BRINP2: variants seen among roughly 807,000 people sequenced by gnomAD.
BRINP2 encodes the protein BMP/retinoic acid inducible neural specific 2, also known as BMP/retinoic acid-inducible neural-specific protein 2.
A neutral mutation model predicts 69.2 loss-of-function variants in BRINP2; 21 were observed. The ratio of observed to expected loss-of-function variants is 0.30; its 90% CI spans 0.22 to 0.44. BRINP2 has a LOEUF of 0.44. Ranked by LOEUF, BRINP2 falls within the 20% of genes least tolerant of loss-of-function variation. The pLI, the probability that BRINP2 is intolerant of heterozygous loss-of-function variation, is 1.00. For synonymous variants in BRINP2, 380 were observed against 394.1 expected (o/e 0.96, Z 0.42); for missense variants, 877 against 986.0 (o/e 0.89, Z 1.48).
chr1:177,280,390 CA>C, intron 7 of BRINP2, 21 bp from the exon 8 acceptor site: 1 of 1,563,608 alleles, frequency 6.4e-7, no homozygotes, highest in Non-Finnish European at 8.7e-7. Flanking sequence ...ACTCTTACTT[CA>C]TTTTATCTCT....
At chr1:177,235,800 G>C (rs1348635874) in intron 2 of BRINP2, among the ~76,000 whole-genome samples, 4 of 152,186 alleles carry the variant, frequency 2.6e-5, no homozygotes, top group African/African-American at 9.7e-5. Flanking sequence ...GTAGAGAAAG[G>C]CTACATTATC....
rs145494769 is a variant in BRINP2, at chr1:177,190,181, C to T, written c.-77+18449C>T. Among the ~76,000 whole-genome samples, 773 of 152,292 alleles carry T rather than the reference C, an allele frequency of 5.1e-3. 7 individuals carry two copies. The highest frequency in any genetic ancestry group is 0.018 in the African/African-American group (737 of 41,556). ...AGTAAATATGAGTCCCTAACTCATACGGGGCAACCCTCCATAAGTCTCTCC... is the reference window on the plus strand; with the variant it reads ...AGTAAATATGAGTCCCTAACTCATATGGGGCAACCCTCCATAAGTCTCTCC... On this transcript the variant is annotated intron_variant, in intron 1 of 7. Coordinates refer to ENST00000361539, the MANE Select transcript of BRINP2 (RefSeq NM_021165.4).
chr1:177,180,797 T>C (rs756366070), intron 1 of BRINP2, among the ~76,000 whole-genome samples: 1 of 152,180 alleles, frequency 6.6e-6, no homozygotes, highest in Non-Finnish European at 1.5e-5. Flanking sequence ...AAAGCAAAAC[T>C]TGTGATTCAT....
At chr1:177,259,736 C>G (rs950234387) in intron 4 of BRINP2, among the ~76,000 whole-genome samples, 1 of 152,148 alleles carries the variant, frequency 6.6e-6, no homozygotes, top group African/African-American at 2.4e-5. Flanking sequence ...AACAATCCAG[C>G]CTCGATGACA....
chr1:177,235,534 TC>T (rs527241637), intron 2 of BRINP2, among the ~76,000 whole-genome samples: 258 of 152,174 alleles, frequency 1.7e-3, no homozygotes, highest in African/African-American at 6.1e-3. Flanking sequence ...TGTGGGTGCC[TC>T]CCGGGAGATG....
At chr1:177,208,629 T>C (rs1321486813) in intron 1 of BRINP2, among the ~76,000 whole-genome samples, 2 of 152,112 alleles carry the variant, frequency 1.3e-5, no homozygotes, top group African/African-American at 4.8e-5. Flanking sequence ...TTTTTTTTTC[T>C]TCATCTTCTT....
At chr1:177,269,972 T>C (rs1361924101) in intron 4 of BRINP2, among the ~76,000 whole-genome samples, 3 of 151,966 alleles carry the variant, frequency 2.0e-5, no homozygotes, top group East Asian at 1.9e-4. Context: ...CTGTATAGGC[T>C]CTCTTTATAA....
intron 1 of BRINP2, among the ~76,000 whole-genome samples, chr1:177,200,498 A>C (rs942521845): frequency 6.6e-6 from 1 of 151,762 alleles, no homozygotes; most frequent in South Asian, 2.1e-4. Flanking sequence ...TCACTGCTTC[A>C]TCACCACTCC....
chr1:177,184,164 A>G (rs1255892224), intron 1 of BRINP2, among the ~76,000 whole-genome samples: 8 of 152,184 alleles, frequency 5.3e-5, no homozygotes, highest in Admixed American at 2.0e-4. Context: ...AGAGAAAAAA[A>G]GCTGAACAGC....
At chr1:177,270,672 C>A (rs1651290508) in intron 4 of BRINP2, among the ~76,000 whole-genome samples, 1 of 152,022 alleles carries the variant, frequency 6.6e-6, no homozygotes, top group African/African-American at 2.4e-5. Flanking sequence ...GGTGAGTGAC[C>A]AAGTCAGGAG....
intron 4 of BRINP2, among the ~76,000 whole-genome samples, chr1:177,262,496 G>A (rs1571939859): frequency 1.4e-5 from 2 of 144,134 alleles, no homozygotes; most frequent in East Asian, 4.6e-4. Context: ...TGGTGACAGA[G>A]CAAGCCTCTG....
chr1:177,268,175 C>T (rs967955153), intron 4 of BRINP2, among the ~76,000 whole-genome samples: 4 of 152,194 alleles, frequency 2.6e-5, no homozygotes, highest in African/African-American at 9.6e-5. Flanking sequence ...ATGGGATTGA[C>T]ATGCCCATTT....
intron 2 of BRINP2, among the ~76,000 whole-genome samples, chr1:177,232,025 G>A (rs1649873756): frequency 6.6e-6 from 1 of 152,176 alleles, no homozygotes; most frequent in Non-Finnish European, 1.5e-5. Flanking sequence ...TGCTTAAGCA[G>A]AGAATCCCTC....
chr1:177,212,977 A>C (rs1649272722), intron 1 of BRINP2, among the ~76,000 whole-genome samples: 1 of 152,196 alleles, frequency 6.6e-6, no homozygotes, highest in South Asian at 2.1e-4. Flanking sequence ...CCCAAAAGAA[A>C]ATATGTGCTT....
intron 1 of BRINP2, among the ~76,000 whole-genome samples, chr1:177,195,724 G>A (rs560417996): frequency 1.3e-5 from 2 of 151,918 alleles, no homozygotes; most frequent in African/African-American, 2.4e-5. Flanking sequence ...GATGTCAAGG[G>A]GCAAAGCAGA....
chr1:177,242,756 G>A (rs1403319042), intron 2 of BRINP2, among the ~76,000 whole-genome samples: 1 of 152,128 alleles, frequency 6.6e-6, no homozygotes, highest in Non-Finnish European at 1.5e-5. Context: ...CCTGACCCCA[G>A]CACCATGTCT....
chr1:177,173,612 C>G (rs147151354), intron 1 of BRINP2, among the ~76,000 whole-genome samples: 2 of 152,198 alleles, frequency 1.3e-5, no homozygotes, highest in Non-Finnish European at 2.9e-5. Flanking sequence ...AGATGGGGAG[C>G]ATCTTCCCTT....
At chr1:177,274,991 AG>A (rs1651447891) in intron 5 of BRINP2, among the ~76,000 whole-genome samples, 1 of 152,220 alleles carries the variant, frequency 6.6e-6, no homozygotes, top group South Asian at 2.1e-4. Context: ...GACAAGGTCA[AG>A]GGCCTAAAAA....
rs1441513634 is a variant in BRINP2, at chr1:177,278,426, AC to A, written c.1013-134del. On this transcript the variant is annotated intron_variant, in intron 6 of 7. Transcript: ENST00000361539. ...AAGGTGTTGATTTTTTTAAAAAAGC[AC>A]CCAGGGAAATGGGTGTGCAGCCTCC... 5 of 754,270 alleles carry A rather than the reference AC, an allele frequency of 6.6e-6. No individual in the cohort carries two copies. The East Asian group carries it at 1.2e-4, about 19-fold the overall frequency. 46.7% of individuals were successfully genotyped at this position (754,270 alleles called of 1,614,324 possible).
Sources: gnomAD v4.1 joint callset for allele counts (sites outside exome capture counted in the v4.1 genomes callset) on GRCh38, gnomAD v4.1.1 for gene constraint, MANE v1.5 for transcripts, NCBI Gene and HGNC (gene_info 2026-07-23, HGNC 2026-07-21) for gene names.